ADAM21: variants seen among roughly 807,000 people sequenced by gnomAD.
The protein encoded by ADAM21 is disintegrin and metalloproteinase domain-containing protein 21.
For missense variants in ADAM21, 678 were observed against 874.4 expected (o/e 0.78, Z 2.83); for synonymous variants, 262 against 306.0 (o/e 0.86, Z 1.50).
At chr14:70,454,209 T>C (rs1280023554) in intron 1 of ADAM21, among the ~76,000 whole-genome samples, 1 of 152,218 alleles carries the variant, frequency 6.6e-6, no homozygotes, top group Non-Finnish European at 1.5e-5. Flanking sequence ...CTGGATTTTA[T>C]ATCTCTATTC....
rs576058920 is a variant in ADAM21 at position 70,457,448 on chromosome 14, C to T, written c.-52C>T. On this transcript the variant is annotated 5_prime_UTR_variant, in exon 2 of 2. Transcript: ENST00000603540. ...GAGAAGCCAGACCAGCAGTGCCTCACACCTTGTCCTCTTCTGCTCTGGACA... is the reference window on the plus strand; with the variant it reads ...GAGAAGCCAGACCAGCAGTGCCTCATACCTTGTCCTCTTCTGCTCTGGACA... 26 of 1,605,706 alleles carry T rather than the reference C, an allele frequency of 1.6e-5. 1 individual carries two copies. The South Asian group carries it at 2.2e-4, about 14-fold the overall frequency.
At chr14:70,454,698 T>C (rs928495630) in intron 1 of ADAM21, among the ~76,000 whole-genome samples, 3 of 152,188 alleles carry the variant, frequency 2.0e-5, no homozygotes, top group Non-Finnish European at 4.4e-5. Flanking sequence ...TGAATTACAC[T>C]GAAGATGAAT....
At chr14:70,454,813 G>A (rs1225045015) in intron 1 of ADAM21, among the ~76,000 whole-genome samples, 2 of 152,168 alleles carry the variant, frequency 1.3e-5, no homozygotes, top group Non-Finnish European at 2.9e-5. Flanking sequence ...TTTTGGTGGA[G>A]AATAATTTTA....
Position 70,452,203 on chromosome 14 carries a change from T to G in ADAM21, c.-212T>G, listed in dbSNP as rs979033544. 6.6e-6 allele frequency: 1 copy of G among 152,200 alleles called. No homozygotes were observed. The highest frequency in any genetic ancestry group is 2.4e-5 in the African/African-American group (1 of 41,456). The allele number at this position is 152,200 out of a possible 1,614,324, so 9.4% of individuals were successfully genotyped here. On this transcript the variant is annotated 5_prime_UTR_variant, in exon 1 of 2. Coordinates refer to ENST00000603540, the MANE Select transcript of ADAM21 (RefSeq NM_003813.4). ...TGTGGCCTCAGCTACAAACCATTGA[T>G]AAAGCATGGTATAAACCATCTAGAC...
At position 70,457,595 on chromosome 14, in the gene ADAM21, G is replaced by A; in HGVS notation, c.96G>A (p.Gly32=). The A allele has an allele frequency of 6.2e-7, 1 of 1,613,800 alleles. No homozygotes were observed. The highest frequency in any genetic ancestry group is 1.1e-5 in the South Asian group (1 of 91,014). The stretch of plus-strand genomic sequence containing the variant: ...CTATTTCCGGCTACTGTCAGGCTGG[G>A]CCCTCCCAGCATTTCACTTCCCCGG... ...FLSISGYCQA[G]PSQHFTSPEV... is the part of the protein sequence containing the mutation. Residue 32 remains glycine (G), a synonymous_variant, in exon 2 of 2, where the codon GGG becomes GGA. Transcript: ENST00000603540.
intron 1 of ADAM21, among the ~76,000 whole-genome samples, chr14:70,455,620 C>T (rs932746538): frequency 6.6e-6 from 1 of 152,076 alleles, no homozygotes; most frequent in African/African-American, 2.4e-5. Flanking sequence ...TACCTTTTCC[C>T]TATAGTTTTT....
chr14:70,452,557 G>C (rs1239947065), intron 1 of ADAM21, among the ~76,000 whole-genome samples: 2 of 152,116 alleles, frequency 1.3e-5, no homozygotes, highest in Non-Finnish European at 2.9e-5. Flanking sequence ...TAGTAGAAAC[G>C]GGGTTTCACC....
At chr14:70,456,126 A>G (rs1489100079) in intron 1 of ADAM21, among the ~76,000 whole-genome samples, 1 of 152,158 alleles carries the variant, frequency 6.6e-6, no homozygotes, top group Non-Finnish European at 1.5e-5. Flanking sequence ...GATGAAATAT[A>G]TGGATACTCT....
At position 70,459,405 on chromosome 14, in the gene ADAM21, C is replaced by T; in HGVS notation, c.1906C>T (p.Pro636Ser). The T allele has an allele frequency of 6.2e-7, 1 of 1,614,208 alleles. No individual in the cohort carries two copies. Residue 636 changes from proline (P) to serine (S), a missense_variant, in exon 2 of 2, where the codon CCT (proline) becomes TCT (serine). Pro to Ser is a moderately conservative substitution (Grantham distance 74). Coordinates refer to ENST00000603540, the MANE Select transcript of ADAM21 (RefSeq NM_003813.4). ...GTCTGTCTTGTCACATGTCTGCCTT[C>T]CTGAGACCTGCAATATGAAGGGGAT... ...SLSVLSHVCLPETCNMKGICN... is the reference protein window; with the variant it reads ...SLSVLSHVCLSETCNMKGICN...
chr14:70,458,603 T>C lies in ADAM21; in HGVS notation c.1104T>C (p.Phe368=), dbSNP rs143896383. The change falls in exon 2 of 2, where the codon TTT becomes TTC. Residue 368 remains phenylalanine, a synonymous_variant. Transcript: ENST00000603540. ...AAAGAGGTTGCATCATGAATACTTT[T>C]AGAGTGCCAGCAGAGAAATTCACCA... ...CGERGCIMNT[F]RVPAEKFTNC... is the part of the protein sequence containing the mutation. 1.8e-3 allele frequency: 2,880 copies of C among 1,613,198 alleles called. 57 individuals are homozygous for C. The African/African-American group carries it at 0.034, about 19-fold the overall frequency.
Position 70,458,121 on chromosome 14 carries a change from T to G in ADAM21, c.622T>G (p.Trp208Gly). The G allele has an allele frequency of 6.2e-7, 1 of 1,614,068 alleles. No individual in the cohort carries two copies. Among genetic ancestry groups the G allele is most frequent in the Non-Finnish European group, 8.5e-7 (1 of 1,179,980 alleles). The change falls in exon 2 of 2, where the codon TGG becomes GGG. Residue 208 changes from tryptophan (W) to glycine (G), a missense_variant. Physicochemically the swap from Trp to Gly is radical, Grantham distance 184 (BLOSUM62 -2). Transcript: ENST00000603540. ...KSAGDWWTHA[W>G]FLELVVVVNH... The stretch of plus-strand genomic sequence containing the variant: ...TGCTGGTGACTGGTGGACTCATGCA[T>G]GGTTTCTGGAGCTAGTTGTTGTGGT...
chr14:70,457,023 CT>C (rs1882421327), intron 1 of ADAM21, among the ~76,000 whole-genome samples: 1 of 152,186 alleles, frequency 6.6e-6, no homozygotes, highest in Non-Finnish European at 1.5e-5. Flanking sequence ...CAGGCATAAA[CT>C]AATATTATCT....
intron 1 of ADAM21, 68 bp from the exon 2 acceptor site, chr14:70,457,281 T>C (rs148901849): frequency 5.9e-4 from 346 of 582,140 alleles, no homozygotes; most frequent in African/African-American, 5.0e-3. Context: ...TTTCACTACT[T>C]CATTCTTTTT....
chr14:70,455,974 T>C (rs976731521), intron 1 of ADAM21, among the ~76,000 whole-genome samples: 2 of 152,166 alleles, frequency 1.3e-5, no homozygotes, highest in African/African-American at 4.8e-5. Context: ...AGGGTCTTTA[T>C]AGAGGTCTGT....
At position 70,458,026 on chromosome 14, in the gene ADAM21, C is replaced by T. The variant is rs1882448710; in HGVS notation, c.527C>T (p.Thr176Ile). ...TQFPAMRCGL[T>I]EKEVARQQLE... is the part of the protein sequence containing the mutation. ...TTCCCAGCTATGAGATGTGGCTTAA[C>T]AGAGAAGGAAGTAGCACGCCAACAG... The change falls in exon 2 of 2, where the codon ACA (threonine) becomes ATA (isoleucine). Residue 176 changes from threonine to isoleucine, a missense_variant. By Grantham distance (89) the Thr-to-Ile change is moderately conservative. Transcript: ENST00000603540. 1 of 1,613,874 alleles carries T rather than the reference C, an allele frequency of 6.2e-7. No homozygotes were observed. The highest frequency in any genetic ancestry group is 1.3e-5 in the African/African-American group (1 of 74,824).
Position 70,458,312 on chromosome 14 carries a change from C to T in ADAM21, c.813C>T (p.Ser271=). ...AAGGAAATGTTTTCCCAATGACAAG[C>T]ATAGAACAGGTCCTGAACGATTTCT... ...WNQGNVFPMT[S]IEQVLNDFSQ... The change falls in exon 2 of 2, where the codon AGC becomes AGT. Residue 271 remains serine (S), a synonymous_variant. Transcript: ENST00000603540. 6.2e-7 allele frequency: 1 copy of T among 1,614,088 alleles called. No individual in the cohort carries two copies. Among genetic ancestry groups the T allele is most frequent in the Non-Finnish European group, 8.5e-7 (1 of 1,180,032 alleles).
In ADAM21 at chr14:70,459,566, TC is replaced by T. The variant is rs746697502; in HGVS notation, c.2069del (p.Pro690LeufsTer6). Reference sequence around the variant, plus strand: ...GAGTTTTTTTGCCGCTGATTGTGATTCCTTCTTTGTCTGTTTTGACTTTCCT... The same window carrying T: ...GAGTTTTTTTGCCGCTGATTGTGATTCTTCTTTGTCTGTTTTGACTTTCCT... ...RGVFLPLIVI[P>X]SLSVLTFLFT... On this transcript the variant is annotated frameshift_variant, in exon 2 of 2. Coordinates refer to ENST00000603540, the MANE Select transcript of ADAM21 (RefSeq NM_003813.4). LOFTEE classifies it low-confidence loss of function (END_TRUNC). The T allele has an allele frequency of 2.5e-6, 4 of 1,614,192 alleles. No homozygotes were observed. The highest frequency in any genetic ancestry group is 3.4e-6 in the Non-Finnish European group (4 of 1,180,026).
intron 1 of ADAM21, among the ~76,000 whole-genome samples, chr14:70,455,107 T>TTC (rs202149569): frequency 1.3e-5 from 2 of 151,872 alleles, no homozygotes; most frequent in South Asian, 2.1e-4. Flanking sequence ...ATGGAGTTGG[T>TTC]TCTCTCTCTC....
At chr14:70,457,049 T>A (rs999480761) in intron 1 of ADAM21, among the ~76,000 whole-genome samples, 1 of 152,224 alleles carries the variant, frequency 6.6e-6, no homozygotes, top group African/African-American at 2.4e-5. Flanking sequence ...CAATTTGATA[T>A]ATAGAGTCAC....
Sources: allele counts gnomAD v4.1 joint callset (sites outside exome capture counted in the v4.1 genomes callset), GRCh38; gene constraint gnomAD v4.1.1; transcripts MANE v1.5; gene names NCBI Gene and HGNC (gene_info 2026-07-23, HGNC 2026-07-21).